The following SPMIP8 variants were observed in gnomAD, a reference collection of about 807,000 sequenced individuals.
SPMIP8 encodes the protein sperm microtubule inner protein 8, also known as testicular tissue protein Li 196.
chr16:57,983,094 C>G, the SPMIP8 span, among the ~76,000 whole-genome samples: 1 of 152,116 alleles, frequency 6.6e-6, no homozygotes, highest in East Asian at 1.9e-4. Flanking sequence ...CCTTGGAGTT[C>G]TTGTATAGAG....
At chr16:57,985,918 C>T in the SPMIP8 span, 1 of 1,612,608 alleles carries the variant, frequency 6.2e-7, no homozygotes, top group South Asian at 1.1e-5. Flanking sequence ...GGAACACTTT[C>T]CGAAGCTTCG....
the SPMIP8 span, chr16:57,985,168 G>A: frequency 4.7e-6 from 7 of 1,476,392 alleles, no homozygotes; most frequent in African/African-American, 5.7e-5. Flanking sequence ...TCCTGGGGGG[G>A]GGCGGATGAG....
chr16:57,987,377 C>A, the SPMIP8 span: 163 of 1,582,594 alleles, frequency 1.0e-4, no homozygotes, highest in Non-Finnish European at 1.3e-4. Flanking sequence ...CCCCACCTCA[C>A]CCCTACTTCT....
At chr16:57,985,280 G>T in the SPMIP8 span, 1 of 1,557,394 alleles carries the variant, frequency 6.4e-7, no homozygotes, top group Non-Finnish European at 8.7e-7. Context: ...AGGGAGCGCT[G>T]CGCGCAGACC....
the SPMIP8 span, among the ~76,000 whole-genome samples, chr16:57,978,295 T>G: frequency 6.6e-6 from 1 of 152,150 alleles, no homozygotes; most frequent in African/African-American, 2.4e-5. Flanking sequence ...GTCCCAGCAC[T>G]TTGGGAGGCC....
chr16:57,978,079 A>G, the SPMIP8 span: 1 of 1,574,996 alleles, frequency 6.3e-7, no homozygotes, highest in Non-Finnish European at 8.6e-7. Context: ...GGGAAGGGGC[A>G]GATGGTTTCA....
chr16:57,984,656 G>A, the SPMIP8 span: 47 of 1,591,968 alleles, frequency 3.0e-5, no homozygotes, highest in African/African-American at 5.8e-4. Flanking sequence ...CCACAGGCCA[G>A]AAGCTTCGCA....
the SPMIP8 span, chr16:57,985,768 A>AG: frequency 1.1e-3 from 1,331 of 1,214,268 alleles, 17 homozygotes; most frequent in East Asian, 9.2e-4. Context: ...TGCGGAGTGG[A>AG]GGCGTTCGCA....
the SPMIP8 span, chr16:57,986,033 C>A: frequency 6.8e-7 from 1 of 1,470,598 alleles, no homozygotes; most frequent in Non-Finnish European, 9.1e-7. Context: ...CTGAAACCCC[C>A]CTGCCCCAGC....
the SPMIP8 span, among the ~76,000 whole-genome samples, chr16:57,982,584 G>A: frequency 9.8e-5 from 15 of 152,302 alleles, no homozygotes; most frequent in African/African-American, 3.4e-4. Context: ...TTTCACAGGC[G>A]ACAGATGCCG....
chr16:57,985,425 G>A, the SPMIP8 span: 1 of 1,612,914 alleles, frequency 6.2e-7, no homozygotes, highest in Admixed American at 1.7e-5. Flanking sequence ...TGGGGCGTGG[G>A]CAGGGCGTCC....
At chr16:57,985,953 G>T in the SPMIP8 span, 3 of 1,607,686 alleles carry the variant, frequency 1.9e-6, no homozygotes, top group Non-Finnish European at 2.5e-6. Flanking sequence ...TAGGGGAACG[G>T]TCCTGTCCCG....
chr16:57,982,204 C>T, the SPMIP8 span, among the ~76,000 whole-genome samples: 1 of 152,132 alleles, frequency 6.6e-6, no homozygotes, highest in African/African-American at 2.4e-5. Context: ...CATTATCACA[C>T]CTAGGAAAGC....
At chr16:57,985,164 G>T in the SPMIP8 span, 21 of 1,464,506 alleles carry the variant, frequency 1.4e-5, no homozygotes, top group African/African-American at 7.2e-5. Context: ...CTTGTCCTGG[G>T]GGGGGGCGGA....
chr16:57,977,977 G>T, the SPMIP8 span: 1 of 1,614,172 alleles, frequency 6.2e-7, no homozygotes, highest in Non-Finnish European at 8.5e-7. Context: ...CACATGGACA[G>T]GGACACCGTC....
chr16:57,985,589 G>T, the SPMIP8 span: 13 of 1,555,474 alleles, frequency 8.4e-6, no homozygotes, highest in African/African-American at 1.6e-4. Context: ...TCTGGAGGAG[G>T]GAGGATGAGG....
the SPMIP8 span, chr16:57,985,308 C>T: frequency 2.0e-6 from 3 of 1,464,630 alleles, no homozygotes; most frequent in African/African-American, 1.7e-5. Flanking sequence ...GAGCGGGGAG[C>T]GGGGGTCCTG....
the SPMIP8 span, chr16:57,984,715 G>A: frequency 1.9e-6 from 3 of 1,600,798 alleles, no homozygotes; most frequent in African/African-American, 4.0e-5. Context: ...GGCATCAACC[G>A]AGTGGACTGG....
At chr16:57,986,012 G>C in the SPMIP8 span, 1 of 1,522,916 alleles carries the variant, frequency 6.6e-7, no homozygotes, top group South Asian at 1.3e-5. Flanking sequence ...CAGCCTCGGG[G>C]CTCCCTGACT....
Sources: allele counts gnomAD v4.1 joint callset (sites outside exome capture counted in the v4.1 genomes callset), GRCh38; gene constraint gnomAD v4.1.1; transcripts MANE v1.5; gene names NCBI Gene and HGNC (gene_info 2026-07-23, HGNC 2026-07-21).